The following C3orf85 variants were observed in gnomAD, a reference collection of about 807,000 sequenced individuals.
C3orf85 encodes the protein chromosome 3 open reading frame 85, also known as uncharacterized protein C3orf85.
A neutral mutation model predicts 1.7 loss-of-function variants in C3orf85; 1 was observed. The ratio of observed to expected loss-of-function variants is 0.60; its 90% CI spans 0.21 to 2.86. The LOEUF (loss-of-function observed/expected upper bound fraction) is 2.86, where lower values mean the gene tolerates loss of function less well. Ranked by LOEUF, C3orf85 falls within the 30% of genes most tolerant of loss-of-function variation. The pLI is 0.22. For missense variants in C3orf85, 29 were observed against 21.3 expected (o/e 1.36, Z -0.72); for synonymous variants, 17 against 8.0 (o/e 2.13, Z -1.90).
At chr3:109,146,767 C>A (rs1274821817) in intron 2 of C3orf85, among the ~76,000 whole-genome samples, 1 of 152,094 alleles carries the variant, frequency 6.6e-6, no homozygotes, top group Non-Finnish European at 1.5e-5. Flanking sequence ...CACAGTCATT[C>A]CACAGTAGCT....
Position 109,150,114 on chromosome 3 carries a change from T to TAA in C3orf85, c.*231_*232dup, listed in dbSNP as rs57306274. The TAA allele has an allele frequency of 2.6e-5, 6 of 234,092 alleles. No homozygotes were observed. The highest frequency in any genetic ancestry group is 7.6e-5 in the African/African-American group (3 of 39,374). 14.5% of individuals were successfully genotyped at this position (234,092 alleles called of 1,614,324 possible). A position where few individuals can be genotyped will look rare whatever the true frequency, so the allele number is the denominator to read the frequency against. ...AAATGGTAGTTCTCAAAAAAAGAAC[T>TAA]AAAAAAAAAAAAGGCTGTAGTAATA... On this transcript the variant is annotated 3_prime_UTR_variant, in exon 4 of 4. Transcript: ENST00000622536.
rs578225359 is a variant in C3orf85 at position 109,150,777 on chromosome 3, A to G, written c.*883A>G. Among the ~76,000 whole-genome samples, 1 of 152,118 alleles carries G rather than the reference A, an allele frequency of 6.6e-6. No homozygotes were observed. Among genetic ancestry groups the G allele is most frequent in the Non-Finnish European group, 1.5e-5 (1 of 68,002 alleles). On this transcript the variant is annotated 3_prime_UTR_variant, in exon 4 of 4. Coordinates refer to ENST00000622536, the MANE Select transcript of C3orf85 (RefSeq NM_001351622.2). ...ATGGAATTTTTGTCTTCAGAAGTCT[A>G]TTTATCTCCATTCTCTATTCTCTAT...
rs1272286333 is a variant in C3orf85 at position 109,137,978 on chromosome 3, T to C, written c.49+1082T>C. Among the ~76,000 whole-genome samples the C allele has an allele frequency of 3.9e-5, 6 of 152,188 alleles. No individual in the cohort carries two copies. In the East Asian group the frequency reaches 1.2e-3, roughly 29 times the overall value. ...GACCACTGATCCGTGCAGTTGACTTTAGAGGGGGTAACGGTGGTGGATGCC... is the reference window on the plus strand; with the variant it reads ...GACCACTGATCCGTGCAGTTGACTTCAGAGGGGGTAACGGTGGTGGATGCC... On this transcript the variant is annotated intron_variant, in intron 2 of 3. Transcript: ENST00000622536.
At chr3:109,146,413 A>G (rs765670579) in intron 2 of C3orf85, 2 of 152,224 alleles carry the variant, frequency 1.3e-5, no homozygotes, top group Non-Finnish European at 2.9e-5. Flanking sequence ...AAACCTTAAC[A>G]GCTTAAAACA....
intron 2 of C3orf85, among the ~76,000 whole-genome samples, chr3:109,144,091 G>A (rs757884253): frequency 6.6e-6 from 1 of 152,076 alleles, no homozygotes; most frequent in African/African-American, 2.4e-5. Flanking sequence ...GCATTAACCT[G>A]GTTGATATTG....
intron 2 of C3orf85, among the ~76,000 whole-genome samples, chr3:109,138,305 C>T (rs1706703067): frequency 1.3e-5 from 2 of 152,262 alleles, no homozygotes; most frequent in Middle Eastern, 3.4e-3. Context: ...GCTGGATTAG[C>T]CCTTCAGATC....
intron 2 of C3orf85, among the ~76,000 whole-genome samples, chr3:109,147,740 A>T (rs1173116807): frequency 6.6e-6 from 1 of 152,120 alleles, no homozygotes; most frequent in Non-Finnish European, 1.5e-5. Context: ...CAGGTTTGGG[A>T]GCAGCATAGT....
rs192391138 is a variant in C3orf85 at position 109,148,231 on chromosome 3, G to T, written c.50-22G>T. The T allele has an allele frequency of 3.0e-4, 207 of 699,086 alleles. 4 individuals carry two copies. The Admixed American group carries it at 4.1e-3, about 14-fold the overall frequency. 43.3% of individuals were successfully genotyped at this position (699,086 alleles called of 1,614,324 possible). A position where few individuals can be genotyped will look rare whatever the true frequency, so the allele number is the denominator to read the frequency against. Reference sequence around the variant, plus strand: ...AAACTATTGCTCTAAAAGATGCTGTGCTCTTGGACTCTAAATTGCAGGAGC... The same window carrying T: ...AAACTATTGCTCTAAAAGATGCTGTTCTCTTGGACTCTAAATTGCAGGAGC... On this transcript the variant is annotated intron_variant, in intron 2 of 3. Transcript: ENST00000622536.
chr3:109,143,079 T>C (rs948805253), intron 2 of C3orf85, among the ~76,000 whole-genome samples: 1 of 152,112 alleles, frequency 6.6e-6, no homozygotes, highest in African/African-American at 2.4e-5. Flanking sequence ...ACTTCTTGGA[T>C]TTACAAATTA....
chr3:109,137,637 G>GTGTGTATATATATATATATATATA (rs751674362), intron 2 of C3orf85, among the ~76,000 whole-genome samples: 89 of 79,850 alleles, frequency 1.1e-3, no homozygotes, highest in Middle Eastern at 8.1e-3. Flanking sequence ...GTGTGTGTGT[G>GTGTGTATATATATATATATATATA]TATATATATA....
intron 2 of C3orf85, among the ~76,000 whole-genome samples, chr3:109,145,928 T>C (rs920062785): frequency 3.9e-5 from 6 of 152,196 alleles, no homozygotes; most frequent in African/African-American, 1.2e-4. Context: ...CTAGAATACA[T>C]GCGCTTTGCT....
chr3:109,147,681 A>C (rs1576775778), intron 2 of C3orf85, among the ~76,000 whole-genome samples: 1 of 152,046 alleles, frequency 6.6e-6, no homozygotes, highest in South Asian at 2.1e-4. Flanking sequence ...GTTCGATTTG[A>C]TGGTGAATTG....
At chr3:109,148,425 C>G in intron 3 of C3orf85, 39 bp downstream of exon 3, 4 of 702,028 alleles carry the variant, frequency 5.7e-6, no homozygotes, top group Non-Finnish European at 1.0e-5. Flanking sequence ...CACCATTTAT[C>G]TTTTTAAATA....
Position 109,151,361 on chromosome 3 carries a change from A to C in C3orf85, c.*1467A>C, listed in dbSNP as rs1665141724. Among the ~76,000 whole-genome samples the C allele has an allele frequency of 6.6e-6, 1 of 152,216 alleles. No homozygotes were observed. Among genetic ancestry groups the C allele is most frequent in the Non-Finnish European group, 1.5e-5 (1 of 68,036 alleles). ...TATGTATATATAGAGATGCTCCTCA[A>C]CATACGATGGCGTTACATCCCAATA... On this transcript the variant is annotated 3_prime_UTR_variant, in exon 4 of 4. Transcript: ENST00000622536.
intron 3 of C3orf85, chr3:109,148,608 T>C: frequency 2.0e-6 from 1 of 493,572 alleles, no homozygotes; most frequent in Non-Finnish European, 3.6e-6. Context: ...AGCCTTTCCC[T>C]TCTTCTCAGG....
At chr3:109,145,378 A>G (rs1706787248) in intron 2 of C3orf85, among the ~76,000 whole-genome samples, 1 of 152,246 alleles carries the variant, frequency 6.6e-6, no homozygotes, top group Non-Finnish European at 1.5e-5. Context: ...CCAGACGGAA[A>G]AGAACAAATA....
At chr3:109,141,366 T>G (rs181739363) in intron 2 of C3orf85, among the ~76,000 whole-genome samples, 33 of 152,296 alleles carry the variant, frequency 2.2e-4, no homozygotes, top group African/African-American at 7.0e-4. Flanking sequence ...TTTTCCAGTT[T>G]CCTTTCACCC....
chr3:109,141,159 G>C (rs1559968897), intron 2 of C3orf85, among the ~76,000 whole-genome samples: 2 of 151,998 alleles, frequency 1.3e-5, no homozygotes, highest in African/African-American at 4.8e-5. Flanking sequence ...GCTAATTTTT[G>C]TATTTTTAGT....
In C3orf85 at chr3:109,151,372, C is replaced by T. The variant is rs898243106; in HGVS notation, c.*1478C>T. On this transcript the variant is annotated 3_prime_UTR_variant, in exon 4 of 4. Transcript: ENST00000622536. ...AGAGATGCTCCTCAACATACGATGGCGTTACATCCCAATAAACCCGTCACA... is the reference window on the plus strand; with the variant it reads ...AGAGATGCTCCTCAACATACGATGGTGTTACATCCCAATAAACCCGTCACA... 4.6e-5 allele frequency among the ~76,000 whole-genome samples: 7 copies of T among 152,080 alleles called. No individual in the cohort carries two copies. The highest frequency in any genetic ancestry group is 1.0e-4 in the Non-Finnish European group (7 of 68,024).
Sources: allele counts gnomAD v4.1 joint callset (sites outside exome capture counted in the v4.1 genomes callset), GRCh38; gene constraint gnomAD v4.1.1; transcripts MANE v1.5; gene names NCBI Gene and HGNC (gene_info 2026-07-23, HGNC 2026-07-21).